Variants in PTPRA observed in about 807,000 individuals in gnomAD.
PTPRA encodes receptor-type tyrosine-protein phosphatase alpha.
A neutral mutation model predicts 104.8 loss-of-function variants in PTPRA; 25 were observed. The ratio of observed to expected loss-of-function variants is 0.24; its 90% CI spans 0.17 to 0.33. The LOEUF (loss-of-function observed/expected upper bound fraction) is 0.33. Ranked by LOEUF, PTPRA falls within the 10% of genes least tolerant of loss-of-function variation. The pLI is 1.00. For synonymous variants in PTPRA, 323 were observed against 368.9 expected (o/e 0.88, Z 1.43); for missense variants, 765 against 1,015.3 (o/e 0.75, Z 3.35).
At chr20:2,885,149 T>C (rs982048322) in intron 1 of PTPRA, among the ~76,000 whole-genome samples, 14 of 152,196 alleles carry the variant, frequency 9.2e-5, no homozygotes, top group African/African-American at 3.4e-4. Flanking sequence ...CCTGCACCTT[T>C]TTACAATCCC....
At chr20:2,899,610 G>A (rs951147426) in intron 1 of PTPRA, among the ~76,000 whole-genome samples, 4 of 152,108 alleles carry the variant, frequency 2.6e-5, no homozygotes, top group African/African-American at 9.7e-5. Flanking sequence ...AACTTTGGTC[G>A]TTAATTTGGC....
chr20:3,020,425 C>T (rs2064807866), intron 13 of PTPRA, among the ~76,000 whole-genome samples: 1 of 152,198 alleles, frequency 6.6e-6, no homozygotes, highest in African/African-American at 2.4e-5. Flanking sequence ...CCCCTGGTTT[C>T]TCTAGTTCCT....
intron 5 of PTPRA, among the ~76,000 whole-genome samples, chr20:2,967,237 T>C (rs1284101661): frequency 1.3e-5 from 2 of 152,182 alleles, no homozygotes; most frequent in East Asian, 3.9e-4. Flanking sequence ...GTGCCACAGC[T>C]AAGAATCTAG....
chr20:2,934,355 C>T (rs573551982), intron 2 of PTPRA, among the ~76,000 whole-genome samples: 10 of 152,242 alleles, frequency 6.6e-5, no homozygotes, highest in South Asian at 6.2e-4. Context: ...CTGCCCACTT[C>T]GGCCTCCCAA....
chr20:2,881,972 C>T (rs1163372064), intron 1 of PTPRA, among the ~76,000 whole-genome samples: 1 of 152,098 alleles, frequency 6.6e-6, no homozygotes, highest in Non-Finnish European at 1.5e-5. Flanking sequence ...TGTACTCCAG[C>T]CTGGGAGACA....
At position 2,944,721 on chromosome 20, in the gene PTPRA, GCAAA is replaced by G. The variant is rs1014570158; in HGVS notation, c.-49-3258_-49-3255del. ...GATGGGATTTTACGTAGCCATCTTT[GCAAA>G]CAGTCTACCACAGTGTCTTTTTTCC... On this transcript the variant is annotated intron_variant, in intron 2 of 23. Transcript: ENST00000399903. 1.9e-3 allele frequency among the ~76,000 whole-genome samples: 292 copies of G among 152,314 alleles called. 1 individual carries two copies. Among genetic ancestry groups the G allele is most frequent in the African/African-American group, 6.5e-3 (272 of 41,558 alleles).
At chr20:2,992,188 C>T (rs1474702646) in intron 9 of PTPRA, among the ~76,000 whole-genome samples, 1 of 152,164 alleles carries the variant, frequency 6.6e-6, no homozygotes, top group Non-Finnish European at 1.5e-5. Flanking sequence ...TTCTGCTGGG[C>T]ATGTCCAAAT....
intron 1 of PTPRA, among the ~76,000 whole-genome samples, chr20:2,918,013 G>A (rs6132990): frequency 0.21 from 31,640 of 149,858 alleles, 3,787 homozygotes; most frequent in East Asian, 0.36. Context: ...ACTTGAACCC[G>A]GGTGGCAGAG....
At chr20:2,959,126 T>C (rs1180022311) in intron 3 of PTPRA, among the ~76,000 whole-genome samples, 1 of 152,200 alleles carries the variant, frequency 6.6e-6, no homozygotes, top group African/African-American at 2.4e-5. Context: ...TCGTGGTCTA[T>C]GGATATAGTA....
At chr20:2,911,212 C>G (rs1038805064) in intron 1 of PTPRA, among the ~76,000 whole-genome samples, 5 of 151,812 alleles carry the variant, frequency 3.3e-5, no homozygotes, top group African/African-American at 4.8e-5. Context: ...CCAGATTTTC[C>G]TAGTTTTGTT....
intron 11 of PTPRA, among the ~76,000 whole-genome samples, chr20:3,014,366 G>A (rs1353434924): frequency 1.3e-5 from 2 of 151,676 alleles, no homozygotes; most frequent in Non-Finnish European, 1.5e-5. Context: ...GACCAGGCAC[G>A]GTGGCTCACA....
intron 1 of PTPRA, among the ~76,000 whole-genome samples, chr20:2,894,265 C>T (rs558590167): frequency 6.6e-6 from 1 of 152,286 alleles, no homozygotes; most frequent in Admixed American, 6.5e-5. Flanking sequence ...TCTATAATGC[C>T]CTCAAAACTC....
chr20:2,865,003 T>G, the PTPRA span: 18 of 1,614,186 alleles, frequency 1.1e-5, no homozygotes, highest in Non-Finnish European at 1.4e-5. This position sits in a 1 kb window ranked among gnomAD's most constrained non-coding sequence, Gnocchi z 5.2. Context: ...GTAGCAGCTC[T>G]GCAGACAGCC....
Position 2,982,934 on chromosome 20 carries a change from A to G in PTPRA, c.443-3831A>G, listed in dbSNP as rs1249537620. 3.9e-5 allele frequency among the ~76,000 whole-genome samples: 6 copies of G among 151,962 alleles called. No individual in the cohort carries two copies. In the East Asian group the frequency reaches 9.7e-4, roughly 25 times the overall value. On this transcript the variant is annotated intron_variant, in intron 6 of 23. Coordinates refer to ENST00000399903, the MANE Select transcript of PTPRA (RefSeq NM_001385305.1). ...AAGCTGGTCTCGAATTCTTGACCTC[A>G]TGATCTGCCCACCTCGGCTTCCCAA...
chr20:2,893,665 C>T (rs1272406896), intron 1 of PTPRA, among the ~76,000 whole-genome samples: 1 of 152,082 alleles, frequency 6.6e-6, no homozygotes, highest in Non-Finnish European at 1.5e-5. Flanking sequence ...ATCCATGGCT[C>T]ATGAAAATCT....
rs1424521202 is a variant in PTPRA, at chr20:3,007,347, A to G, written c.833A>G (p.Asp278Gly). Residue 278 changes from aspartate to glycine, a missense_variant, in exon 11 of 24, where the codon GAC becomes GGC. Asp to Gly is a moderately conservative substitution (Grantham distance 94). This residue lies in a region of PTPRA where 245 missense variants were observed against 398.7 expected (regional missense o/e 0.61). Transcript: ENST00000399903. ...ATATTGTTGGTTTGTTTCCTAGATG[A>G]CCACTCTAGAGTCCACCTGACACCG... The part of the protein sequence containing the change: ...KNRYVNILPY[D>G]HSRVHLTPVE... 6.2e-7 allele frequency: 1 copy of G among 1,613,264 alleles called. No homozygotes were observed. The highest frequency in any genetic ancestry group is 1.3e-5 in the African/African-American group (1 of 74,884).
intron 1 of PTPRA, among the ~76,000 whole-genome samples, chr20:2,920,945 A>G (rs180956047): frequency 2.0e-4 from 31 of 152,274 alleles, no homozygotes; most frequent in Middle Eastern, 3.4e-3. Context: ...AGTTTTCATG[A>G]TGGAGTGAAG....
At position 3,026,589 on chromosome 20, in the gene PTPRA, G is replaced by C. The variant is rs1008689357; in HGVS notation, c.1615-98G>C. On this transcript the variant is annotated intron_variant, in intron 17 of 23. Coordinates refer to ENST00000399903, the MANE Select transcript of PTPRA (RefSeq NM_001385305.1). ...GCCCTGGTGAGAAGAGCAGTATGGA[G>C]CCAGAGTGGCCTGGAGGTGCAGGCC... is the stretch of plus-strand genomic sequence containing the variant. The C allele has an allele frequency of 8.0e-6, 7 of 870,170 alleles. No homozygotes were observed. The African/African-American group carries it at 1.0e-4, about 12-fold the overall frequency. The allele number at this position is 870,170 out of a possible 1,614,324, so 53.9% of individuals were successfully genotyped here.
chr20:2,937,298 TA>T (rs2060742020), intron 2 of PTPRA, among the ~76,000 whole-genome samples: 1 of 152,054 alleles, frequency 6.6e-6, no homozygotes, highest in Non-Finnish European at 1.5e-5. Context: ...CTAATTTTTG[TA>T]TTTTTAGTAG....
Sources: gnomAD v4.1 joint callset for allele counts (sites outside exome capture counted in the v4.1 genomes callset) on GRCh38, gnomAD v4.1.1 for gene constraint, gnomAD v4.1.1 regional missense constraint, Gnocchi (gnomAD v3.1) non-coding constraint, MANE v1.5 for transcripts, NCBI Gene and HGNC (gene_info 2026-07-23, HGNC 2026-07-21) for gene names.